NLGN2: variants seen among roughly 807,000 people sequenced by gnomAD.
NLGN2 encodes neuroligin-2.
NLGN2 carries 11 observed loss-of-function variants against 48.6 expected under a neutral mutation model. The observed-to-expected ratio is 0.23, with a 90% CI of 0.14 to 0.37. NLGN2 has a LOEUF of 0.37. NLGN2 is among the 10% of genes least tolerant of loss of function. The probability of loss-of-function intolerance (pLI) is 1.00; values close to 1 mark genes in which losing one functional copy is unlikely to be tolerated. For missense variants in NLGN2, 801 were observed against 1,225.2 expected (o/e 0.65, Z 5.17); for synonymous variants, 548 against 550.0 (o/e 1.00, Z 0.05).
rs1906710806 is a variant in NLGN2, at chr17:7,407,965, T to C, written c.-291T>C. ...ACCTCTGTATTTTTCTGTCTGTCCG[T>C]CTGTCTGTATCCTGCCTCCCTGCCC... On this transcript the variant is annotated 5_prime_UTR_variant, in exon 1 of 7. Coordinates refer to ENST00000302926, the MANE Select transcript of NLGN2 (RefSeq NM_020795.4). 3 of 273,658 alleles carry C rather than the reference T, an allele frequency of 1.1e-5. No homozygotes were observed. Among genetic ancestry groups the C allele is most frequent in the Non-Finnish European group, 1.4e-5 (2 of 145,646 alleles). 17.0% of individuals were successfully genotyped at this position (273,658 alleles called of 1,614,324 possible).
Position 7,408,342 on chromosome 17 carries a change from C to T in NLGN2, c.87C>T (p.Pro29=). 6.8e-7 allele frequency: 1 copy of T among 1,465,656 alleles called. No homozygotes were observed. Among genetic ancestry groups the T allele is most frequent in the Non-Finnish European group, 9.0e-7 (1 of 1,112,118 alleles). 90.8% of individuals were successfully genotyped at this position (1,465,656 alleles called of 1,614,324 possible). A position where few individuals can be genotyped will look rare whatever the true frequency, so the allele number is the denominator to read the frequency against. Residue 29 remains proline (P), a synonymous_variant, in exon 1 of 7, where the codon CCC becomes CCT. Transcript: ENST00000302926. The surrounding 1 kb of genome is among the most constrained non-coding windows in gnomAD (Gnocchi z 7.5). ...CCGGCGGCGGCGCCCCGGGCGGCCCCGGCCTGGGCCTCGGCAGCCTCGGCG... is the reference window on the plus strand; with the variant it reads ...CCGGCGGCGGCGCCCCGGGCGGCCCTGGCCTGGGCCTCGGCAGCCTCGGCG... The part of the protein sequence containing the change: ...GGPGGGAPGG[P]GLGLGSLGEE...
rs1597708883 is a variant in NLGN2 at position 7,411,057 on chromosome 17, C to T, written c.458-1100C>T. Among the ~76,000 whole-genome samples the T allele has an allele frequency of 6.6e-6, 1 of 152,248 alleles. No individual in the cohort carries two copies. Among genetic ancestry groups the T allele is most frequent in the Non-Finnish European group, 1.5e-5 (1 of 68,046 alleles). ...AAACCAATCAGCCTCGGGGAACCCC[C>T]AGGCCTCTGGGCTCCAGCTCGCCCC... On this transcript the variant is annotated intron_variant, in intron 1 of 6. Coordinates refer to ENST00000302926, the MANE Select transcript of NLGN2 (RefSeq NM_020795.4). This position sits in a 1 kb window ranked among gnomAD's most constrained non-coding sequence, Gnocchi z 4.5.
Position 7,408,600 on chromosome 17 carries a change from C to A in NLGN2, c.345C>A (p.Pro115=). 1 of 1,590,178 alleles carries A rather than the reference C, an allele frequency of 6.3e-7. No homozygotes were observed. Among genetic ancestry groups the A allele is most frequent in the Non-Finnish European group, 8.5e-7 (1 of 1,169,844 alleles). The change falls in exon 1 of 7, where the codon CCC becomes CCA. Residue 115 remains proline, a synonymous_variant. Transcript: ENST00000302926. The surrounding 1 kb of genome is among the most constrained non-coding windows in gnomAD (Gnocchi z 7.5). ...CGCAGAACCTGCACGGGGCGCTGCC[C>A]GCCATCATGCTGCCTGTGTGGTTCA... ...ACPQNLHGAL[P]AIMLPVWFTD... is the part of the protein sequence containing the mutation.
At chr17:7,416,818 T>C (rs1907118418) in intron 6 of NLGN2, 108 bp from the exon 7 acceptor site, 2 of 1,345,798 alleles carry the variant, frequency 1.5e-6, no homozygotes. Flanking sequence ...GCTTTCTTGC[T>C]GTCCCCCTGT....
chr17:7,408,374 G>A lies in NLGN2; in HGVS notation c.119G>A (p.Arg40His). 1 of 1,515,940 alleles carries A rather than the reference G, an allele frequency of 6.6e-7. No homozygotes were observed. The highest frequency in any genetic ancestry group is 8.8e-7 in the Non-Finnish European group (1 of 1,136,960). The allele number at this position is 1,515,940 out of a possible 1,614,324, so 93.9% of individuals were successfully genotyped here. ...GLGLGSLGEERFPVVNTAYGR... is the reference protein window; with the variant it reads ...GLGLGSLGEEHFPVVNTAYGR... ...GGCCTCGGCAGCCTCGGCGAGGAGC[G>A]CTTCCCGGTGGTGAACACGGCCTAC... Residue 40 changes from arginine to histidine, a missense_variant, in exon 1 of 7, where the codon CGC (arginine) becomes CAC (histidine). Physicochemically the swap from Arg to His is conservative, Grantham distance 29. Transcript: ENST00000302926. The surrounding 1 kb of genome is among the most constrained non-coding windows in gnomAD (Gnocchi z 7.5).
intron 3 of NLGN2, 59 bp from the exon 4 acceptor site, chr17:7,414,604 A>C: frequency 1.9e-6 from 3 of 1,611,576 alleles, no homozygotes; most frequent in Non-Finnish European, 2.5e-6. Flanking sequence ...TGAGCTGCCC[A>C]GAAAGGGGGC....
upstream of NLGN2, among the ~76,000 whole-genome samples, chr17:7,407,225 C>T (rs571981555): frequency 2.0e-5 from 3 of 152,244 alleles, no homozygotes; most frequent in African/African-American, 2.4e-5. Flanking sequence ...AGCCCGTTGC[C>T]GAGGTAACAT....
rs568012323 is a variant in NLGN2 at position 7,411,580 on chromosome 17, C to T, written c.458-577C>T. ...GCTGTGGGGCAGGCTGCCCCCCAAC[C>T]CTGTCCTGCTCGCTGCCCTGCAGAG... On this transcript the variant is annotated intron_variant, in intron 1 of 6. Coordinates refer to ENST00000302926, the MANE Select transcript of NLGN2 (RefSeq NM_020795.4). The surrounding 1 kb of genome is among the most constrained non-coding windows in gnomAD (Gnocchi z 4.5). Among the ~76,000 whole-genome samples, 2 of 152,334 alleles carry T rather than the reference C, an allele frequency of 1.3e-5. No homozygotes were observed. The highest frequency in any genetic ancestry group is 4.8e-5 in the African/African-American group (2 of 41,582).
Position 7,417,267 on chromosome 17 carries a change from C to G in NLGN2, c.1976C>G (p.Pro659Arg). Reference protein sequence around the residue: ...LPPEPEPEPGPRAYDRFPGDS... With the variant: ...LPPEPEPEPGRRAYDRFPGDS... ...CCCGAGCCCGAGCCCGAGCCCGGCCCAAGGGCCTATGACCGCTTCCCCGGG... is the reference window on the plus strand; with the variant it reads ...CCCGAGCCCGAGCCCGAGCCCGGCCGAAGGGCCTATGACCGCTTCCCCGGG... Residue 659 changes from proline to arginine, a missense_variant, in exon 7 of 7, where the codon CCA (proline) becomes CGA (arginine). Transcript: ENST00000302926. 6.3e-7 allele frequency: 1 copy of G among 1,579,620 alleles called. No homozygotes were observed. Among genetic ancestry groups the G allele is most frequent in the South Asian group, 1.1e-5 (1 of 87,040 alleles).
chr17:7,412,043 C>A (rs765940569), intron 1 of NLGN2, 114 bp from the exon 2 acceptor site: 3 of 444,880 alleles, frequency 6.7e-6, no homozygotes, highest in African/African-American at 2.1e-5. Flanking sequence ...CTGCCTCCCC[C>A]ACCCTCCCCT....
At chr17:7,414,621 G>C in intron 3 of NLGN2, 42 bp from the exon 4 acceptor site, 3 of 1,611,620 alleles carry the variant, frequency 1.9e-6, no homozygotes, top group Non-Finnish European at 2.5e-6. Context: ...GGGCAGGGGC[G>C]CTGTGACACC....
Position 7,419,427 on chromosome 17 carries a change from G to A in NLGN2, c.*1628G>A, listed in dbSNP as rs918417762. ...GAGAGTCCTCATCTGCTGGCATTTTGTGGGGTGTTAGTGCCAAACTTGAAT... is the reference window on the plus strand; with the variant it reads ...GAGAGTCCTCATCTGCTGGCATTTTATGGGGTGTTAGTGCCAAACTTGAAT... On this transcript the variant is annotated 3_prime_UTR_variant, in exon 7 of 7. Coordinates refer to ENST00000302926, the MANE Select transcript of NLGN2 (RefSeq NM_020795.4). 3.3e-5 allele frequency: 5 copies of A among 152,708 alleles called. No individual in the cohort carries two copies. The highest frequency in any genetic ancestry group is 7.2e-5 in the African/African-American group (3 of 41,432). 9.5% of individuals were successfully genotyped at this position (152,708 alleles called of 1,614,324 possible).
intron 1 of NLGN2, among the ~76,000 whole-genome samples, chr17:7,410,705 CCTT>C (rs1311014093): frequency 6.6e-6 from 1 of 152,252 alleles, no homozygotes; most frequent in South Asian, 2.1e-4. Flanking sequence ...CTTGCCCACA[CCTT>C]CTGTATTTTT....
intron 4 of NLGN2, 47 bp downstream of exon 4, chr17:7,414,895 C>A: frequency 6.2e-7 from 1 of 1,613,476 alleles, no homozygotes; most frequent in Non-Finnish European, 8.5e-7. Flanking sequence ...ACCCTGCCAA[C>A]TCCCCCCTCT....
chr17:7,417,863 G>A lies in NLGN2; in HGVS notation c.*64G>A. The stretch of plus-strand genomic sequence containing the variant: ...GCCCGGCCACTCCGAAGGCAGGGAG[G>A]AGGACTTGGCAACTGGCTTTTCTCC... On this transcript the variant is annotated 3_prime_UTR_variant, in exon 7 of 7. Coordinates refer to ENST00000302926, the MANE Select transcript of NLGN2 (RefSeq NM_020795.4). 2.2e-6 allele frequency: 3 copies of A among 1,342,714 alleles called. No individual in the cohort carries two copies. Among genetic ancestry groups the A allele is most frequent in the East Asian group, 2.9e-5 (1 of 34,696 alleles). 83.2% of individuals were successfully genotyped at this position (1,342,714 alleles called of 1,614,324 possible). A position where few individuals can be genotyped will look rare whatever the true frequency, so the allele number is the denominator to read the frequency against.
Position 7,417,749 on chromosome 17 carries a change from A to ATCCCTTCGGGCCCTTC in NLGN2, c.2458_2459insTCCCTTCGGGCCCTTC (p.Thr820IlefsTer183). The ATCCCTTCGGGCCCTTC allele has an allele frequency of 9.7e-7, 1 of 1,027,302 alleles. No homozygotes were observed. The highest frequency in any genetic ancestry group is 1.2e-6 in the Non-Finnish European group (1 of 834,424). 63.6% of individuals were successfully genotyped at this position (1,027,302 alleles called of 1,614,324 possible). ...CTTCCCCCCGCCCCCTCCCACCGCC[A>ATCCCTTCGGGCCCTTC]CCAGCCACAACAACACGCTACCCCA... is the stretch of plus-strand genomic sequence containing the variant. On this transcript the variant is annotated frameshift_variant, in exon 7 of 7. Coordinates refer to ENST00000302926, the MANE Select transcript of NLGN2 (RefSeq NM_020795.4). LOFTEE classifies it high-confidence loss of function.
chr17:7,417,803 G>C lies in NLGN2; in HGVS notation c.*4G>C, dbSNP rs1330345349. 5.9e-6 allele frequency: 8 copies of C among 1,358,774 alleles called. No homozygotes were observed. The highest frequency in any genetic ancestry group is 7.5e-6 in the Non-Finnish European group (8 of 1,062,440). 84.2% of individuals were successfully genotyped at this position (1,358,774 alleles called of 1,614,324 possible). On this transcript the variant is annotated 3_prime_UTR_variant, in exon 7 of 7. Transcript: ENST00000302926. ...CCACTCCACCACTCGGGTATAGGGG[G>C]TGGGTGGGGAGGCCCTCCTCCCCGG...
In NLGN2 at chr17:7,414,357, T is replaced by C. The variant is rs1186490001; in HGVS notation, c.522T>C (p.Pro174=). ...LNPPDTDIRD[P]GKKPVMLFLH... ...CTCCCCACACAGATATCCGTGACCC[T>C]GGGAAGAAGCCTGTGATGCTGTTTC... The change falls in exon 3 of 7, where the codon CCT becomes CCC. Residue 174 remains proline (P), a synonymous_variant. Transcript: ENST00000302926. 6 of 1,284,234 alleles carry C rather than the reference T, an allele frequency of 4.7e-6. No homozygotes were observed. The highest frequency in any genetic ancestry group is 6.8e-6 in the Non-Finnish European group (6 of 881,486). The allele number at this position is 1,284,234 out of a possible 1,614,324, so 79.6% of individuals were successfully genotyped here.
At chr17:7,406,419 G>A (rs1427172335), upstream of NLGN2, among the ~76,000 whole-genome samples, 3 of 152,078 alleles carry the variant, frequency 2.0e-5, no homozygotes, top group Admixed American at 6.5e-5. Flanking sequence ...AGCCCAGTCT[G>A]GCACAGGAAA....
Sources: gnomAD v4.1 joint callset for allele counts (sites outside exome capture counted in the v4.1 genomes callset) on GRCh38, gnomAD v4.1.1 for gene constraint, Gnocchi (gnomAD v3.1) non-coding constraint, MANE v1.5 for transcripts, NCBI Gene and HGNC (gene_info 2026-07-23, HGNC 2026-07-21) for gene names.